The following CCDC148 variants were observed in gnomAD, a reference collection of about 807,000 sequenced individuals.
The protein encoded by CCDC148 is coiled-coil domain containing 148, also known as coiled-coil domain-containing protein 148.
CCDC148 carries 89 observed loss-of-function variants against 85.7 expected under a neutral mutation model. The observed-to-expected ratio is 1.04, with a 90% CI of 0.87 to 1.24. The LOEUF (loss-of-function observed/expected upper bound fraction) is 1.24. CCDC148 is among the 50% of genes most tolerant of loss of function. CCDC148 has a pLI of 0.00. For missense variants in CCDC148, 692 were observed against 671.7 expected (o/e 1.03, Z -0.33); for synonymous variants, 230 against 213.9 (o/e 1.08, Z -0.66).
At chr2:158,181,999 A>C (rs939555937) in intron 11 of CCDC148, among the ~76,000 whole-genome samples, 4 of 152,036 alleles carry the variant, frequency 2.6e-5, no homozygotes, top group Non-Finnish European at 5.9e-5. Context: ...CATGTAGAAA[A>C]TAAAAATCAA....
Position 158,237,245 on chromosome 2 carries a change from G to C in CCDC148, c.1251+13527C>G, listed in dbSNP as rs193022246. Among the ~76,000 whole-genome samples, 17 of 152,224 alleles carry C rather than the reference G, an allele frequency of 1.1e-4. No individual in the cohort carries two copies. In the East Asian group the frequency reaches 3.3e-3, roughly 29 times the overall value. On this transcript the variant is annotated intron_variant, in intron 10 of 13. Transcript: ENST00000283233. ...GCAGAGCAGAGAGGTAGATCACACA[G>C]GGCCCTGTATGTCCCTTCTAGACTT...
intron 10 of CCDC148, among the ~76,000 whole-genome samples, chr2:158,222,064 A>G (rs917220852): frequency 6.6e-6 from 1 of 152,176 alleles, no homozygotes; most frequent in Non-Finnish European, 1.5e-5. Context: ...TCTTTTCTGC[A>G]TTACCTTATT....
At chr2:158,273,800 G>T (rs531070571) in intron 9 of CCDC148, among the ~76,000 whole-genome samples, 7 of 152,096 alleles carry the variant, frequency 4.6e-5, no homozygotes, top group Non-Finnish European at 7.4e-5. Context: ...AGAGATTTAT[G>T]ACATGAACTT....
chr2:158,390,964 C>T (rs1306548978), intron 1 of CCDC148, among the ~76,000 whole-genome samples: 1 of 152,146 alleles, frequency 6.6e-6, no homozygotes, highest in Non-Finnish European at 1.5e-5. Context: ...TATACAATAG[C>T]TGTTATTTGA....
chr2:158,388,454 G>A (rs1685178709), intron 1 of CCDC148, among the ~76,000 whole-genome samples: 1 of 151,916 alleles, frequency 6.6e-6, no homozygotes, highest in South Asian at 2.1e-4. Context: ...AAGTTCCTTA[G>A]CTTCTTTGTG....
At chr2:158,264,829 C>T (rs1159088982) in intron 9 of CCDC148, among the ~76,000 whole-genome samples, 1 of 152,050 alleles carries the variant, frequency 6.6e-6, no homozygotes, top group African/African-American at 2.4e-5. Flanking sequence ...AAATCTTATT[C>T]TTTTCCATAA....
intron 13 of CCDC148, among the ~76,000 whole-genome samples, chr2:158,175,110 C>T (rs1020122981): frequency 1.3e-5 from 2 of 152,012 alleles, no homozygotes; most frequent in Non-Finnish European, 2.9e-5. Context: ...ACACTGAAGA[C>T]ATACTAGGAA....
intron 11 of CCDC148, among the ~76,000 whole-genome samples, chr2:158,200,191 T>C (rs1242650574): frequency 1.3e-5 from 2 of 152,220 alleles, no homozygotes; most frequent in African/African-American, 4.8e-5. Flanking sequence ...TTTTTACATC[T>C]CACTGGTTTA....
chr2:158,267,512 G>C (rs1390126843), intron 9 of CCDC148, among the ~76,000 whole-genome samples: 2 of 152,116 alleles, frequency 1.3e-5, no homozygotes, highest in Non-Finnish European at 1.5e-5. Flanking sequence ...TTAAGGGCAA[G>C]GACTGTTGTT....
chr2:158,245,459 T>C (rs969713558), intron 10 of CCDC148, among the ~76,000 whole-genome samples: 3 of 152,290 alleles, frequency 2.0e-5, no homozygotes, highest in East Asian at 1.9e-4. Flanking sequence ...CACTCCTCAA[T>C]TGCACAAAGT....
intron 7 of CCDC148, among the ~76,000 whole-genome samples, chr2:158,314,493 T>G (rs1038127260): frequency 2.0e-5 from 3 of 152,188 alleles, no homozygotes; most frequent in African/African-American, 7.2e-5. Context: ...AAGAAATCAT[T>G]TGCAAATAGG....
chr2:158,281,899 T>C (rs1416391300), intron 9 of CCDC148, among the ~76,000 whole-genome samples: 3 of 151,902 alleles, frequency 2.0e-5, no homozygotes, highest in Admixed American at 6.6e-5. Flanking sequence ...GCAAACCGAA[T>C]CCAGCAGCAC....
chr2:158,255,110 AAAAAGAAAAG>A (rs552702900), intron 9 of CCDC148, among the ~76,000 whole-genome samples: 1 of 151,642 alleles, frequency 6.6e-6, no homozygotes, highest in South Asian at 2.1e-4. Flanking sequence ...AATACAAGAA[AAAAAGAAAAG>A]AAAAGAAAAG....
chr2:158,224,510 T>G (rs10180521), intron 10 of CCDC148, among the ~76,000 whole-genome samples: 1 of 151,886 alleles, frequency 6.6e-6, no homozygotes, highest in Non-Finnish European at 1.5e-5. Flanking sequence ...AGACACATAA[T>G]TGTCAGATTC....
intron 1 of CCDC148, among the ~76,000 whole-genome samples, chr2:158,384,889 T>C (rs1685021530): frequency 6.6e-6 from 1 of 152,190 alleles, no homozygotes; most frequent in South Asian, 2.1e-4. Flanking sequence ...GCTCAGAGTT[T>C]GATAAAGCTG....
Position 158,285,288 on chromosome 2 carries a change from C to CAA in CCDC148, c.1110+24143_1110+24144dup, listed in dbSNP as rs536016379. On this transcript the variant is annotated intron_variant, in intron 9 of 13. Transcript: ENST00000283233. ...GGGCAGCAGGAGTAAAACTCCATTT[C>CAA]AAAAAAAAAAAAAAAAAATCAGTGT... Among the ~76,000 whole-genome samples, 64 of 96,202 alleles carry CAA rather than the reference C, an allele frequency of 6.7e-4. No individual in the cohort carries two copies. In the East Asian group the frequency reaches 7.4e-3, roughly 11 times the overall value. The allele number at this position is 96,202 out of a possible 152,430, so 63.1% of individuals were successfully genotyped here.
intron 9 of CCDC148, among the ~76,000 whole-genome samples, chr2:158,259,115 C>T (rs868472163): frequency 6.6e-6 from 1 of 151,754 alleles, no homozygotes; most frequent in Admixed American, 6.6e-5. Flanking sequence ...TTCTTTCCCC[C>T]TCCCTGCCCC....
intron 1 of CCDC148, 64 bp downstream of exon 1, chr2:158,456,351 G>A (rs1688730363): frequency 6.5e-7 from 1 of 1,537,416 alleles, no homozygotes; most frequent in Admixed American, 1.7e-5. Flanking sequence ...AACATAAGTA[G>A]GATTTAGGTG....
intron 10 of CCDC148, among the ~76,000 whole-genome samples, chr2:158,243,321 T>A (rs1007618058): frequency 6.6e-6 from 1 of 152,128 alleles, no homozygotes; most frequent in African/African-American, 2.4e-5. Context: ...TGAGTCGTTT[T>A]ATCAGCCTGC....
Sources: gnomAD v4.1 joint callset for allele counts (sites outside exome capture counted in the v4.1 genomes callset) on GRCh38, gnomAD v4.1.1 for gene constraint, MANE v1.5 for transcripts, NCBI Gene and HGNC (gene_info 2026-07-23, HGNC 2026-07-21) for gene names.